The following SIL1 variants were observed in gnomAD, a reference collection of about 807,000 sequenced individuals.
SIL1 encodes nucleotide exchange factor SIL1.
A neutral mutation model predicts 49.1 loss-of-function variants in SIL1; 40 were observed. The ratio of observed to expected loss-of-function variants is 0.81; its 90% CI spans 0.63 to 1.06. SIL1 has a LOEUF of 1.06. Ranked by LOEUF, SIL1 falls within the 50% of genes least tolerant of loss-of-function variation. SIL1 has a pLI of 0.00. For synonymous variants in SIL1, 253 were observed against 250.8 expected (o/e 1.01, Z -0.08); for missense variants, 500 against 572.6 (o/e 0.87, Z 1.29).
chr5:138,983,349 G>C (rs1377274482), intron 7 of SIL1, among the ~76,000 whole-genome samples: 1 of 150,656 alleles, frequency 6.6e-6, no homozygotes, highest in African/African-American at 2.4e-5. Context: ...TCTACTATAA[G>C]TACAAAAAAT....
Position 138,999,282 on chromosome 5 carries a change from T to C in SIL1, c.767+21889A>G, listed in dbSNP as rs527385498. ...TAGATCTTTCATTTCTTTTGTTAAATTGATTCCTAGGTATTCTTCATAGCT... is the reference window on the plus strand; with the variant it reads ...TAGATCTTTCATTTCTTTTGTTAAACTGATTCCTAGGTATTCTTCATAGCT... On this transcript the variant is annotated intron_variant, in intron 7 of 9. Transcript: ENST00000394817. Among the ~76,000 whole-genome samples, 6 of 152,356 alleles carry C rather than the reference T, an allele frequency of 3.9e-5. No individual in the cohort carries two copies. The East Asian group carries it at 1.2e-3, about 29-fold the overall frequency.
chr5:139,059,448 T>C (rs1486804634), intron 3 of SIL1, among the ~76,000 whole-genome samples: 1 of 152,208 alleles, frequency 6.6e-6, no homozygotes, highest in East Asian at 1.9e-4. Context: ...CTCAGGTATG[T>C]CTTTATTAGC....
intron 1 of SIL1, among the ~76,000 whole-genome samples, chr5:139,131,332 T>C (rs183174484): frequency 1.1e-4 from 16 of 152,222 alleles, no homozygotes; most frequent in Non-Finnish European, 2.1e-4. Flanking sequence ...TGCTTCACCT[T>C]AACAAATTGG....
At chr5:138,976,480 T>G (rs1291029431) in intron 7 of SIL1, among the ~76,000 whole-genome samples, 1 of 151,892 alleles carries the variant, frequency 6.6e-6, no homozygotes, top group African/African-American at 2.4e-5. Context: ...ACCTGGCTAA[T>G]TTTTTGTATT....
chr5:139,196,994 C>T (rs1752287558), intron 1 of SIL1, among the ~76,000 whole-genome samples: 1 of 152,102 alleles, frequency 6.6e-6, no homozygotes, highest in Non-Finnish European at 1.5e-5. Flanking sequence ...ATATGCCAGG[C>T]GAGGTGGCTC....
intron 1 of SIL1, among the ~76,000 whole-genome samples, chr5:139,146,765 A>G (rs115258884): frequency 0.014 from 2,112 of 152,214 alleles, 49 homozygotes; most frequent in African/African-American, 0.047. Flanking sequence ...TTTACCTTTA[A>G]CCTATTAATG....
intron 7 of SIL1, among the ~76,000 whole-genome samples, chr5:138,952,855 G>A (rs1766814581): frequency 6.6e-6 from 1 of 152,268 alleles, no homozygotes; most frequent in Non-Finnish European, 1.5e-5. Context: ...TCCCTCACAG[G>A]ATGCCCTTTT....
intron 1 of SIL1, among the ~76,000 whole-genome samples, chr5:139,164,798 G>T (rs951043078): frequency 6.6e-6 from 1 of 152,134 alleles, no homozygotes; most frequent in Non-Finnish European, 1.5e-5. Context: ...ATTTTATCTG[G>T]CCCAAATTCC....
chr5:138,990,440 T>C (rs1450481570), intron 7 of SIL1, among the ~76,000 whole-genome samples: 1 of 152,196 alleles, frequency 6.6e-6, no homozygotes, highest in East Asian at 1.9e-4. Flanking sequence ...TTCTATTTTC[T>C]AGATGCTTTC....
At chr5:139,048,894 T>A (rs1462426541) in intron 4 of SIL1, among the ~76,000 whole-genome samples, 1 of 152,238 alleles carries the variant, frequency 6.6e-6, no homozygotes. Flanking sequence ...ACTCCAAGTA[T>A]AGGCCTACCT....
chr5:139,143,340 CACACATATATATAT>C (rs1751128353), intron 1 of SIL1, among the ~76,000 whole-genome samples: 1 of 85,172 alleles, frequency 1.2e-5, no homozygotes, highest in Non-Finnish European at 2.2e-5. Flanking sequence ...CACACACACA[CACACATATATATAT>C]ATATATATAT....
intron 3 of SIL1, among the ~76,000 whole-genome samples, chr5:139,103,097 T>G (rs762501143): frequency 6.6e-6 from 1 of 152,108 alleles, no homozygotes; most frequent in Non-Finnish European, 1.5e-5. Context: ...TGTGAGGCAT[T>G]AGGCGCTCAG....
At chr5:139,121,911 C>CA (rs1214399842) in intron 2 of SIL1, among the ~76,000 whole-genome samples, 1 of 152,212 alleles carries the variant, frequency 6.6e-6, no homozygotes, top group Non-Finnish European at 1.5e-5. Flanking sequence ...AAGATAAATA[C>CA]AAAGTATTAT....
At chr5:139,101,866 T>C (rs905953436) in intron 3 of SIL1, among the ~76,000 whole-genome samples, 2 of 152,176 alleles carry the variant, frequency 1.3e-5, no homozygotes, top group Admixed American at 6.5e-5. Context: ...AACCCAGCTA[T>C]TTCCTGGACA....
intron 3 of SIL1, among the ~76,000 whole-genome samples, chr5:139,101,514 T>G (rs1251672295): frequency 6.6e-6 from 1 of 152,238 alleles, no homozygotes; most frequent in Non-Finnish European, 1.5e-5. Context: ...ATAAACTGTG[T>G]ATAAATGCTG....
At chr5:138,950,798 G>A (rs190451609) in intron 9 of SIL1, among the ~76,000 whole-genome samples, 4 of 152,290 alleles carry the variant, frequency 2.6e-5, no homozygotes, top group South Asian at 2.1e-4. Flanking sequence ...TCTAGAATCC[G>A]AAGAGTGAGT....
At chr5:139,138,956 G>A (rs918034875) in intron 1 of SIL1, among the ~76,000 whole-genome samples, 17 of 152,270 alleles carry the variant, frequency 1.1e-4, no homozygotes, top group East Asian at 7.7e-4. Context: ...ACCTTTAAGC[G>A]ATGCTGGCTG....
At chr5:139,140,637 C>T (rs1008154853) in intron 1 of SIL1, among the ~76,000 whole-genome samples, 1 of 152,116 alleles carries the variant, frequency 6.6e-6, no homozygotes, top group Admixed American at 6.5e-5. Flanking sequence ...AGCCATAACT[C>T]ACGGCTTTCA....
chr5:138,971,632 C>T (rs1767279414), intron 7 of SIL1, among the ~76,000 whole-genome samples: 1 of 152,188 alleles, frequency 6.6e-6, no homozygotes, highest in Admixed American at 6.5e-5. Context: ...GGATGAGGCT[C>T]AGCCCAGAGT....
Sources: allele counts gnomAD v4.1 joint callset (sites outside exome capture counted in the v4.1 genomes callset), GRCh38; gene constraint gnomAD v4.1.1; transcripts MANE v1.5; gene names NCBI Gene and HGNC (gene_info 2026-07-23, HGNC 2026-07-21).